ZDHHC21: variants seen among roughly 807,000 people sequenced by gnomAD.
ZDHHC21 encodes zDHHC palmitoyltransferase 21.
A neutral mutation model predicts 34.6 loss-of-function variants in ZDHHC21; 15 were observed. The ratio of observed to expected loss-of-function variants is 0.43; its 90% CI spans 0.29 to 0.67. The LOEUF (loss-of-function observed/expected upper bound fraction) is 0.67. ZDHHC21 is among the 30% of genes least tolerant of loss of function. The pLI, the probability that ZDHHC21 is intolerant of heterozygous loss-of-function variation, is 0.14. For missense variants in ZDHHC21, 344 were observed against 327.7 expected (o/e 1.05, Z -0.38); for synonymous variants, 142 against 101.8 (o/e 1.40, Z -2.38).
chr9:14,607,232 G>A (rs1464915677), downstream of ZDHHC21, among the ~76,000 whole-genome samples: 1 of 152,044 alleles, frequency 6.6e-6, no homozygotes, highest in Non-Finnish European at 1.5e-5. Flanking sequence ...CAGACTGCTT[G>A]AGCTCAGGAG....
chr9:14,607,054 C>T (rs1435377009), downstream of ZDHHC21, among the ~76,000 whole-genome samples: 1 of 145,884 alleles, frequency 6.9e-6, no homozygotes, highest in Non-Finnish European at 1.5e-5. Flanking sequence ...CTGCACAAGA[C>T]TGTCCTCCAT....
intron 7 of ZDHHC21, among the ~76,000 whole-genome samples, chr9:14,656,986 G>A (rs1832356595): frequency 6.6e-6 from 1 of 151,766 alleles, no homozygotes; most frequent in African/African-American, 2.4e-5. Flanking sequence ...CATTATGCAT[G>A]TAAATATACA....
chr9:14,590,177 G>T, the ZDHHC21 span: 1 of 152,116 alleles, frequency 6.6e-6, no homozygotes, highest in South Asian at 2.1e-4. Context: ...TAGCAGCAGG[G>T]TTAGCAGCAG....
At chr9:14,623,970 G>A (rs1429237627) in intron 8 of ZDHHC21, among the ~76,000 whole-genome samples, 2 of 152,018 alleles carry the variant, frequency 1.3e-5, no homozygotes, top group Non-Finnish European at 2.9e-5. Flanking sequence ...ACCTCAAAAA[G>A]TTAAAAACAA....
At chr9:14,663,148 G>C (rs564306129) in intron 5 of ZDHHC21, among the ~76,000 whole-genome samples, 6 of 152,192 alleles carry the variant, frequency 3.9e-5, no homozygotes, top group African/African-American at 1.4e-4. Flanking sequence ...GAAAACTATG[G>C]AAGAGTCATC....
intron 7 of ZDHHC21, among the ~76,000 whole-genome samples, chr9:14,652,798 T>G (rs1184662755): frequency 2.6e-5 from 4 of 152,046 alleles, no homozygotes; most frequent in Admixed American, 2.6e-4. Flanking sequence ...GCAACTCATT[T>G]TTTTTGTTGT....
At chr9:14,654,931 G>C (rs1028906370) in intron 7 of ZDHHC21, among the ~76,000 whole-genome samples, 5 of 151,938 alleles carry the variant, frequency 3.3e-5, no homozygotes, top group African/African-American at 9.7e-5. Context: ...AAATTGAGCA[G>C]AGGTAATATT....
the ZDHHC21 span, among the ~76,000 whole-genome samples, chr9:14,600,454 A>C: frequency 2.0e-5 from 3 of 152,228 alleles, no homozygotes; most frequent in East Asian, 3.9e-4. Flanking sequence ...AGGAATGTGA[A>C]GGAACTCTTC....
At chr9:14,610,878 G>A (rs1347716264), downstream of ZDHHC21, among the ~76,000 whole-genome samples, 1 of 151,990 alleles carries the variant, frequency 6.6e-6, no homozygotes, top group Non-Finnish European at 1.5e-5. Flanking sequence ...GCCCTAGTAT[G>A]TACACCTAGT....
chr9:14,675,023 T>C (rs751153250), intron 3 of ZDHHC21, among the ~76,000 whole-genome samples: 19 of 151,932 alleles, frequency 1.3e-4, no homozygotes, highest in Non-Finnish European at 2.7e-4. Flanking sequence ...TTTTGAAAAA[T>C]GACAATAAAA....
chr9:14,624,832 T>C (rs1008415936), intron 8 of ZDHHC21, among the ~76,000 whole-genome samples: 1 of 152,074 alleles, frequency 6.6e-6, no homozygotes, highest in Non-Finnish European at 1.5e-5. Flanking sequence ...GAAAAACGTT[T>C]GAGGTGATGG....
rs1837576344 is a variant in ZDHHC21, at chr9:14,682,585, A to G, written c.-175-2423T>C. ...AAGAGACTTAAGACTCCCACACAATAATAATGGGAGACTTTAGCACTCTAC... is the reference window on the plus strand; with the variant it reads ...AAGAGACTTAAGACTCCCACACAATGATAATGGGAGACTTTAGCACTCTAC... On this transcript the variant is annotated intron_variant, in intron 2 of 9. Coordinates refer to ENST00000380916, the MANE Select transcript of ZDHHC21 (RefSeq NM_178566.6). Among the ~76,000 whole-genome samples the G allele has an allele frequency of 1.3e-5, 2 of 152,180 alleles. 1 individual carries two copies. Among genetic ancestry groups the G allele is most frequent in the South Asian group, 4.1e-4 (2 of 4,830 alleles).
chr9:14,655,756 G>C (rs546053248), intron 7 of ZDHHC21, among the ~76,000 whole-genome samples: 2 of 151,402 alleles, frequency 1.3e-5, no homozygotes, highest in African/African-American at 4.8e-5. Context: ...AAGAAAAGGA[G>C]AAAAATGGGA....
chr9:14,639,003 G>T (rs952183686), intron 8 of ZDHHC21, among the ~76,000 whole-genome samples: 1 of 151,894 alleles, frequency 6.6e-6, no homozygotes, highest in African/African-American at 2.4e-5. Context: ...TCACTATTGG[G>T]TATTTATCCA....
intron 1 of ZDHHC21, among the ~76,000 whole-genome samples, chr9:14,692,678 G>A (rs10756604): frequency 0.22 from 33,072 of 150,330 alleles, 4,162 homozygotes; most frequent in South Asian, 0.35. Context: ...CCATCCATAA[G>A]CCATTTTCCG....
At chr9:14,605,774 TC>T in the ZDHHC21 span, among the ~76,000 whole-genome samples, 1 of 152,206 alleles carries the variant, frequency 6.6e-6, no homozygotes, top group Non-Finnish European at 1.5e-5. Context: ...ATGAAGATTT[TC>T]CCCTATGTTT....
chr9:14,668,865 A>G (rs987453837), intron 5 of ZDHHC21, among the ~76,000 whole-genome samples: 23 of 131,412 alleles, frequency 1.8e-4, no homozygotes, highest in African/African-American at 6.2e-4. Flanking sequence ...GATGGATTAA[A>G]GATTTAAATG....
intron 1 of ZDHHC21, among the ~76,000 whole-genome samples, chr9:14,692,287 T>C (rs956121369): frequency 3.9e-5 from 6 of 152,220 alleles, no homozygotes; most frequent in African/African-American, 1.4e-4. Context: ...ATATTATTCT[T>C]ACCACAAGGA....
intron 7 of ZDHHC21, among the ~76,000 whole-genome samples, chr9:14,657,225 T>C (rs936820811): frequency 2.0e-5 from 3 of 152,078 alleles, no homozygotes; most frequent in Non-Finnish European, 4.4e-5. Context: ...TCTAAAATTT[T>C]CATGAAAATT....
Sources: gnomAD v4.1 joint callset for allele counts (sites outside exome capture counted in the v4.1 genomes callset) on GRCh38, gnomAD v4.1.1 for gene constraint, MANE v1.5 for transcripts, NCBI Gene and HGNC (gene_info 2026-07-23, HGNC 2026-07-21) for gene names.